LIFR: variants seen among roughly 807,000 people sequenced by gnomAD.
LIFR encodes LIF receptor subunit alpha.
A neutral mutation model predicts 122.2 loss-of-function variants in LIFR; 84 were observed. That is an observed-to-expected ratio of 0.69 (90% CI 0.58 to 0.82). LIFR has a LOEUF of 0.82. LIFR is among the 40% of genes least tolerant of loss of function. The pLI, the probability that LIFR is intolerant of heterozygous loss-of-function variation, is 0.00. For missense variants in LIFR, 1,294 were observed against 1,311.6 expected, an observed-to-expected ratio of 0.99 and a Z score of 0.21; for synonymous variants, 422 against 434.7, an observed-to-expected ratio of 0.97 and a Z score of 0.36.
chr5:38,585,177 C>T lies in LIFR; in HGVS notation c.-20+10084G>A, dbSNP rs75400016. Among the ~76,000 whole-genome samples the T allele has an allele frequency of 7.6e-3, 1,163 of 152,178 alleles. 11 individuals are homozygous for T. The highest frequency in any genetic ancestry group is 0.025 in the African/African-American group (1,051 of 41,518). ...AAAGAAATAAAGAGAATTTAAGTTGCGTGCTTTAGAAAAACAGTACAACAT... is the reference window on the plus strand; with the variant it reads ...AAAGAAATAAAGAGAATTTAAGTTGTGTGCTTTAGAAAAACAGTACAACAT... On this transcript the variant is annotated intron_variant, in intron 1 of 19. Coordinates refer to the LIFR transcript ENST00000263409.
intron 1 of LIFR, among the ~76,000 whole-genome samples, chr5:38,587,121 T>TG (rs1417790997): frequency 6.6e-6 from 1 of 152,054 alleles, no homozygotes; most frequent in Non-Finnish European, 1.5e-5. Flanking sequence ...GACTACACCC[T>TG]GGGAATACAG....
At chr5:38,579,288 T>C (rs763202296) in intron 1 of LIFR, 8 of 151,428 alleles carry the variant, frequency 5.3e-5, no homozygotes, top group Non-Finnish European at 1.2e-4. Context: ...CCATGTTACA[T>C]TGGCCAAAAC....
chr5:38,501,889 A>G (rs1461187266), intron 11 of LIFR, among the ~76,000 whole-genome samples: 1 of 151,944 alleles, frequency 6.6e-6, no homozygotes, highest in East Asian at 1.9e-4. Flanking sequence ...TGACCTGGGT[A>G]TACTACAGAA....
intron 5 of LIFR, among the ~76,000 whole-genome samples, chr5:38,515,846 G>A (rs1435282582): frequency 2.0e-5 from 3 of 152,044 alleles, no homozygotes; most frequent in Non-Finnish European, 4.4e-5. Flanking sequence ...CCCACTGCTG[G>A]ACACAGAGAC....
intron 16 of LIFR, among the ~76,000 whole-genome samples, chr5:38,486,779 T>C (rs1192193501): frequency 2.6e-5 from 4 of 152,184 alleles, no homozygotes; most frequent in Non-Finnish European, 5.9e-5. Flanking sequence ...TAAGGGCAGA[T>C]AAAGATAGAG....
At chr5:38,548,282 C>G (rs1748006800) in intron 1 of LIFR, among the ~76,000 whole-genome samples, 1 of 152,172 alleles carries the variant, frequency 6.6e-6, no homozygotes, top group Non-Finnish European at 1.5e-5. Flanking sequence ...TGTAAGTCAT[C>G]ACTAAATCAT....
chr5:38,603,005 A>G (rs1225448201), intron 2 of LIFR, among the ~76,000 whole-genome samples: 1 of 152,198 alleles, frequency 6.6e-6, no homozygotes, highest in Non-Finnish European at 1.5e-5. Flanking sequence ...CTTCCTAAAC[A>G]TACTGCGCAC....
At chr5:38,598,221 TTTTTTTTTTTTATTTATTTA>T (rs1750146959), upstream of LIFR, among the ~76,000 whole-genome samples, 1 of 67,106 alleles carries the variant, frequency 1.5e-5, no homozygotes, top group African/African-American at 1.0e-4. Flanking sequence ...CTTTTTTTTT[TTTTTTTTTTTTATTTATTTA>T]TTTATTTTTT....
intron 12 of LIFR, among the ~76,000 whole-genome samples, chr5:38,498,077 T>C (rs1744981861): frequency 1.3e-5 from 2 of 152,182 alleles, no homozygotes; most frequent in African/African-American, 4.8e-5. Flanking sequence ...TATACACCAA[T>C]GTATGGGGCT....
Position 38,485,978 on chromosome 5 carries a change from G to T in LIFR, c.2338C>A (p.Arg780Ser). ...ATATTCTTAACTTTTATGTCAGAAC[G>T]ACCTATTTTTAAAATGAAGTATGTT... is the stretch of plus-strand genomic sequence containing the variant. ...TSKMRVLESG[R>S]SDIKVKNITD... Residue 780 changes from arginine (R) to serine (S), a missense_variant and splice_region_variant, in exon 17 of 20, where the codon CGT (arginine) becomes AGT (serine). Transcript: ENST00000453190. 2 of 1,610,756 alleles carry T rather than the reference G, an allele frequency of 1.2e-6. No homozygotes were observed. Among genetic ancestry groups the T allele is most frequent in the South Asian group, 2.2e-5 (2 of 90,966 alleles).
intron 2 of LIFR, among the ~76,000 whole-genome samples, chr5:38,603,053 G>A (rs920775690): frequency 1.4e-4 from 22 of 152,070 alleles, no homozygotes; most frequent in Admixed American, 9.8e-4. Flanking sequence ...CTGTGCACGC[G>A]GGCCGCCCAC....
rs763962798 is a variant in LIFR at position 38,482,073 on chromosome 5, G to A, written c.2816C>T (p.Ala939Val). Residue 939 changes from alanine to valine, a missense_variant, in exon 20 of 20, where the codon GCA becomes GTA. Physicochemically the swap from Ala to Val is moderately conservative, Grantham distance 64. Coordinates refer to ENST00000453190, the MANE Select transcript of LIFR (RefSeq NM_001127671.2). ...VAERPEDRSD[A>V]EPENHVVVSY... ...CACAACCACATGGTTTTCAGGCTCT[G>A]CATCAGAGCGATCTTCAGGACGCTC... is the stretch of plus-strand genomic sequence containing the variant. The A allele has an allele frequency of 1.4e-5, 22 of 1,604,480 alleles. No homozygotes were observed. Among genetic ancestry groups the A allele is most frequent in the Admixed American group, 6.8e-5 (4 of 58,764 alleles).
intron 1 of LIFR, among the ~76,000 whole-genome samples, chr5:38,544,408 A>G (rs1002664340): frequency 1.2e-4 from 18 of 152,004 alleles, no homozygotes; most frequent in Admixed American, 5.9e-4. Flanking sequence ...GCCTTCTTCC[A>G]TTCCTCACAT....
upstream of LIFR, chr5:38,557,704 T>G (rs975789878): frequency 6.5e-6 from 1 of 154,680 alleles, no homozygotes; most frequent in Non-Finnish European, 1.5e-5. Flanking sequence ...AAAATAACTC[T>G]TCCTTGTTGA....
intron 5 of LIFR, 72 bp downstream of exon 5, chr5:38,523,346 AC>A (rs1746501154): frequency 2.4e-6 from 3 of 1,235,156 alleles, no homozygotes; most frequent in Non-Finnish European, 2.3e-6. Flanking sequence ...CACTGATACC[AC>A]CTTAAGGCTT....
chr5:38,504,437 A>AG (rs1248617499), intron 9 of LIFR, among the ~76,000 whole-genome samples: 5 of 151,908 alleles, frequency 3.3e-5, no homozygotes, highest in African/African-American at 1.2e-4. Context: ...AGAAAAGAAA[A>AG]AAGAAAGAAA....
At chr5:38,482,284 AAAAAGG>A in intron 19 of LIFR, 66 bp from the exon 20 acceptor site, 2 of 1,478,564 alleles carry the variant, frequency 1.4e-6, no homozygotes, top group Non-Finnish European at 1.8e-6. Flanking sequence ...CTCCTCCTAT[AAAAAGG>A]GACACATTTT....
intron 1 of LIFR, among the ~76,000 whole-genome samples, chr5:38,540,845 C>CA (rs1747554057): frequency 6.6e-6 from 1 of 151,664 alleles, no homozygotes; most frequent in South Asian, 2.1e-4. Context: ...CTTAGGGAGC[C>CA]AGTTAACCTG....
intron 1 of LIFR, among the ~76,000 whole-genome samples, chr5:38,583,116 C>T (rs979713303): frequency 2.0e-5 from 3 of 152,166 alleles, no homozygotes; most frequent in African/African-American, 4.8e-5. Context: ...ACATACGTAA[C>T]GTGTTCAATT....
Sources: gnomAD v4.1 joint callset for allele counts (sites outside exome capture counted in the v4.1 genomes callset) on GRCh38, gnomAD v4.1.1 for gene constraint, MANE v1.5 for transcripts, NCBI Gene and HGNC (gene_info 2026-07-23, HGNC 2026-07-21) for gene names.